Variants in SLC24A3 observed in about 807,000 individuals in gnomAD.
SLC24A3 encodes the protein solute carrier family 24 member 3, also known as sodium/potassium/calcium exchanger 3.
Under a neutral mutation model 75.8 loss-of-function variants are expected in SLC24A3, and 28 were observed. The ratio of observed to expected loss-of-function variants is 0.37; its 90% confidence interval spans 0.27 to 0.51. The LOEUF is 0.51. Ranked by LOEUF, SLC24A3 falls within the 20% of genes least tolerant of loss-of-function variation. The probability of loss-of-function intolerance (pLI) is 0.94; values close to 1 mark genes in which losing one functional copy is unlikely to be tolerated. For missense variants in SLC24A3, 663 were observed against 847.8 expected, an observed-to-expected ratio of 0.78 and a Z score of 2.71; for synonymous variants, 372 against 334.1, an observed-to-expected ratio of 1.11 and a Z score of -1.24.
At chr20:19,457,727 G>C (rs1303684977) in intron 2 of SLC24A3, among the ~76,000 whole-genome samples, 1 of 152,172 alleles carries the variant, frequency 6.6e-6, no homozygotes, top group East Asian at 1.9e-4. Flanking sequence ...TTCCATTTGA[G>C]GACTCACATT....
intron 1 of SLC24A3, among the ~76,000 whole-genome samples, chr20:19,277,997 T>C (rs1049926517): frequency 2.6e-5 from 4 of 151,934 alleles, no homozygotes; most frequent in Admixed American, 1.3e-4. Flanking sequence ...CTTTAGGTAC[T>C]GTGTAGATGG....
chr20:19,422,696 G>C (rs1034263249), intron 2 of SLC24A3, among the ~76,000 whole-genome samples: 3 of 152,186 alleles, frequency 2.0e-5, no homozygotes, highest in African/African-American at 7.2e-5. Flanking sequence ...AATCTCCCCA[G>C]GTGTTTCCAA....
intron 2 of SLC24A3, among the ~76,000 whole-genome samples, chr20:19,306,064 G>A (rs373420307): frequency 1.3e-5 from 2 of 152,256 alleles, no homozygotes; most frequent in African/African-American, 2.4e-5. Flanking sequence ...ATGGGTAAAG[G>A]ACATAAACGG....
At chr20:19,631,745 C>A (rs1432541341) in intron 6 of SLC24A3, among the ~76,000 whole-genome samples, 1 of 151,648 alleles carries the variant, frequency 6.6e-6, no homozygotes, top group Non-Finnish European at 1.5e-5. Flanking sequence ...AAATCTTAAA[C>A]CATCATAAGT....
intron 1 of SLC24A3, among the ~76,000 whole-genome samples, chr20:19,263,073 T>G (rs901004218): frequency 9.0e-6 from 1 of 110,712 alleles, no homozygotes; most frequent in Non-Finnish European, 2.0e-5. Context: ...GTGTGTGTGT[T>G]TTCTGTTGAC....
At chr20:19,472,562 C>T (rs942209872) in intron 2 of SLC24A3, among the ~76,000 whole-genome samples, 6 of 152,196 alleles carry the variant, frequency 3.9e-5, no homozygotes, top group Non-Finnish European at 5.9e-5. Context: ...GCCATGAGGA[C>T]GCTCTACCTC....
In SLC24A3 at chr20:19,627,187, T is replaced by C. The variant is rs1218823532; in HGVS notation, c.613-26875T>C. Among the ~76,000 whole-genome samples, 3 of 152,228 alleles carry C rather than the reference T, an allele frequency of 2.0e-5. No homozygotes were observed. In the East Asian group the frequency reaches 5.8e-4, roughly 29 times the overall value. On this transcript the variant is annotated intron_variant, in intron 6 of 16. Transcript: ENST00000328041. ...AAGTATCCATTTGGGACCCATTCTA[T>C]TCAAATATGTGCCTACCCTCAAGAT...
chr20:19,598,900 GTA>G (rs57586467), intron 6 of SLC24A3, among the ~76,000 whole-genome samples: 3,425 of 129,720 alleles, frequency 0.026, 131 homozygotes, highest in African/African-American at 0.091. Context: ...ATATATATAT[GTA>G]TATACACACA....
intron 2 of SLC24A3, among the ~76,000 whole-genome samples, chr20:19,364,882 C>T (rs1042150406): frequency 5.3e-5 from 8 of 152,066 alleles, no homozygotes; most frequent in East Asian, 1.9e-4. Flanking sequence ...TAGGCCCTAC[C>T]AGAAAAGTAG....
chr20:19,709,486 G>A (rs1211632174), intron 15 of SLC24A3, among the ~76,000 whole-genome samples: 1 of 152,076 alleles, frequency 6.6e-6, no homozygotes, highest in Non-Finnish European at 1.5e-5. Flanking sequence ...GCCGAGCGTG[G>A]TGGCACACAC....
At chr20:19,237,898 T>C (rs1319696261) in intron 1 of SLC24A3, among the ~76,000 whole-genome samples, 1 of 152,214 alleles carries the variant, frequency 6.6e-6, no homozygotes, top group Non-Finnish European at 1.5e-5. Context: ...TTTCAGTCGA[T>C]TTTACGGGTG....
chr20:19,410,318 C>T (rs575068692), intron 2 of SLC24A3, among the ~76,000 whole-genome samples: 1 of 152,210 alleles, frequency 6.6e-6, no homozygotes, highest in South Asian at 2.1e-4. Context: ...GAAGCGAACC[C>T]AGCGTGCGGT....
Position 19,574,313 on chromosome 20 carries a change from G to A in SLC24A3, c.349-5687G>A, listed in dbSNP as rs1023400574. Reference sequence around the variant, plus strand: ...AGTTACTCGTTATTGTTTTTTCACTGTGGCTCTTTTTATTATCTGGGCTGT... The same window carrying A: ...AGTTACTCGTTATTGTTTTTTCACTATGGCTCTTTTTATTATCTGGGCTGT... On this transcript the variant is annotated intron_variant, in intron 3 of 16. Transcript: ENST00000328041. Among the ~76,000 whole-genome samples, 3 of 152,150 alleles carry A rather than the reference G, an allele frequency of 2.0e-5. No homozygotes were observed. The South Asian group carries it at 6.2e-4, about 31-fold the overall frequency.
chr20:19,436,190 A>G (rs571118619), intron 2 of SLC24A3, among the ~76,000 whole-genome samples: 6 of 152,192 alleles, frequency 3.9e-5, no homozygotes, highest in Non-Finnish European at 7.3e-5. Context: ...CTAATATAAT[A>G]GTACTTATGT....
intron 2 of SLC24A3, among the ~76,000 whole-genome samples, chr20:19,458,746 AGACTGTATTTTTCACAGTT>A (rs1165437796): frequency 6.6e-6 from 1 of 152,128 alleles, no homozygotes; most frequent in African/African-American, 2.4e-5. Context: ...TCTTTATCCC[AGACTGTATTTTTCACAGTT>A]GACTGAGCAG....
At chr20:19,608,600 A>G (rs988952207) in intron 6 of SLC24A3, among the ~76,000 whole-genome samples, 2 of 152,228 alleles carry the variant, frequency 1.3e-5, no homozygotes, top group African/African-American at 4.8e-5. Context: ...GGTTGTTTCT[A>G]TAGAATGACC....
At chr20:19,663,416 C>A in intron 7 of SLC24A3, among the ~76,000 whole-genome samples, 1 of 73,194 alleles carries the variant, frequency 1.4e-5, no homozygotes. Flanking sequence ...CCACCTCCTC[C>A]TCCTCCTCCT....
At chr20:19,468,291 A>T (rs6075513) in intron 2 of SLC24A3, among the ~76,000 whole-genome samples, 63,468 of 151,942 alleles carry the variant, frequency 0.42, 15,893 homozygotes, top group Non-Finnish European at 0.56. Context: ...TTGTTTGCTG[A>T]TGGAAATGAT....
At position 19,721,271 on chromosome 20, in the gene SLC24A3, C is replaced by A; in HGVS notation, c.*131C>A. On this transcript the variant is annotated 3_prime_UTR_variant, in exon 17 of 17. Coordinates refer to ENST00000328041, the MANE Select transcript of SLC24A3 (RefSeq NM_020689.4). ...CTGTGCTGTCCTCAGGCCTCCGCTC[C>A]TGTTTTGGTGGCCCAGGCTCTCCCC... The A allele has an allele frequency of 8.2e-7, 1 of 1,223,522 alleles. No individual in the cohort carries two copies. Among genetic ancestry groups the A allele is most frequent in the Non-Finnish European group, 1.1e-6 (1 of 883,900 alleles). 75.8% of individuals were successfully genotyped at this position (1,223,522 alleles called of 1,614,324 possible).
Sources: allele counts gnomAD v4.1 joint callset (sites outside exome capture counted in the v4.1 genomes callset), GRCh38; gene constraint gnomAD v4.1.1; transcripts MANE v1.5; gene names NCBI Gene and HGNC (gene_info 2026-07-23, HGNC 2026-07-21).